The following BNC2 variants were observed in gnomAD, a reference collection of about 807,000 sequenced individuals.
BNC2 encodes the protein zinc finger protein basonuclin-2.
Under a neutral mutation model 76.3 loss-of-function variants are expected in BNC2, and 20 were observed. That is an observed-to-expected ratio of 0.26 (90% CI 0.18 to 0.38). The LOEUF (loss-of-function observed/expected upper bound fraction) is 0.38, where lower values mean the gene tolerates loss of function less well. BNC2 is among the 10% of genes least tolerant of loss of function. The pLI is 1.00. For synonymous variants in BNC2, 582 were observed against 514.8 expected, an observed-to-expected ratio of 1.13 and a Z score of -1.77; for missense variants, 1,382 against 1,399.8, an observed-to-expected ratio of 0.99 and a Z score of 0.20.
At chr9:16,826,166 A>T (rs964148260) in intron 1 of BNC2, among the ~76,000 whole-genome samples, 4 of 151,818 alleles carry the variant, frequency 2.6e-5, no homozygotes, top group Non-Finnish European at 2.9e-5. Flanking sequence ...AAAGCTAGTC[A>T]CTGGTGACAA....
At chr9:16,685,968 A>G (rs2134352760) in intron 3 of BNC2, among the ~76,000 whole-genome samples, 1 of 152,324 alleles carries the variant, frequency 6.6e-6, no homozygotes, top group South Asian at 2.1e-4. Context: ...GGAAAAGACT[A>G]AAATAGATAA....
At chr9:16,564,979 TA>T (rs1315682527) in intron 4 of BNC2, among the ~76,000 whole-genome samples, 1 of 152,186 alleles carries the variant, frequency 6.6e-6, no homozygotes, top group Non-Finnish European at 1.5e-5. Context: ...TCGTCATCCT[TA>T]ATCACTTTAA....
intron 3 of BNC2, among the ~76,000 whole-genome samples, chr9:16,624,257 G>A (rs1820934829): frequency 6.6e-6 from 1 of 152,062 alleles, no homozygotes; most frequent in Non-Finnish European, 1.5e-5. Flanking sequence ...ATACCACAGG[G>A]CTATGAAAAC....
At chr9:16,727,714 A>T (rs1824381642) in intron 3 of BNC2, 83 bp downstream of exon 3, 1 of 1,223,308 alleles carries the variant, frequency 8.2e-7, no homozygotes, top group Non-Finnish European at 1.2e-6. Flanking sequence ...TTAGAAAGAA[A>T]AACACCAGAA....
At chr9:16,616,821 A>AGGC (rs1820717130) in intron 3 of BNC2, among the ~76,000 whole-genome samples, 1 of 146,768 alleles carries the variant, frequency 6.8e-6, no homozygotes, top group Non-Finnish European at 1.5e-5. Context: ...GGAAGGAAGA[A>AGGC]AGGAAGGAAG....
chr9:16,618,585 T>A (rs145138622), intron 3 of BNC2, among the ~76,000 whole-genome samples: 57 of 152,254 alleles, frequency 3.7e-4, no homozygotes, highest in African/African-American at 9.4e-4. Context: ...GTACTTAATA[T>A]ACCCTAGGAT....
At chr9:16,726,908 T>C (rs541623416) in intron 3 of BNC2, 4 of 152,430 alleles carry the variant, frequency 2.6e-5, no homozygotes, top group African/African-American at 9.6e-5. Context: ...GAGCCAGCAA[T>C]TGTGCAAGAG....
chr9:16,452,200 C>G (rs902553750), intron 5 of BNC2, among the ~76,000 whole-genome samples: 4 of 152,166 alleles, frequency 2.6e-5, no homozygotes, highest in African/African-American at 9.7e-5. Context: ...TTTTCCCCTG[C>G]AAGTACCAGT....
chr9:16,510,048 T>C (rs1028125002), intron 5 of BNC2, among the ~76,000 whole-genome samples: 11 of 152,216 alleles, frequency 7.2e-5, no homozygotes, highest in African/African-American at 2.4e-4. Context: ...GTATCTCAGA[T>C]GTTGGAGAAA....
intron 3 of BNC2, among the ~76,000 whole-genome samples, chr9:16,692,680 A>G (rs1467771478): frequency 6.6e-6 from 1 of 152,186 alleles, no homozygotes; most frequent in African/African-American, 2.4e-5. Flanking sequence ...AAGGAATATT[A>G]TAAGCAACTG....
chr9:16,563,594 A>C (rs1321534906), intron 4 of BNC2, among the ~76,000 whole-genome samples: 1 of 152,216 alleles, frequency 6.6e-6, no homozygotes, highest in Admixed American at 6.5e-5. Flanking sequence ...AAACCAATCA[A>C]GTGCTGTGTA....
At chr9:16,793,570 G>A (rs1403269842) in intron 1 of BNC2, among the ~76,000 whole-genome samples, 1 of 151,406 alleles carries the variant, frequency 6.6e-6, no homozygotes, top group African/African-American at 2.4e-5. Flanking sequence ...CCAAGTGGCT[G>A]GGATTACAGG....
chr9:16,776,106 A>G (rs975011847), intron 1 of BNC2, among the ~76,000 whole-genome samples: 1 of 152,172 alleles, frequency 6.6e-6, no homozygotes, highest in East Asian at 1.9e-4. Flanking sequence ...CCTCAAGTTT[A>G]TAACTATGGC....
At chr9:16,765,855 C>T (rs932333651) in intron 1 of BNC2, among the ~76,000 whole-genome samples, 3 of 151,062 alleles carry the variant, frequency 2.0e-5, no homozygotes, top group Non-Finnish European at 2.9e-5. Context: ...GGCACGATCT[C>T]GGCTCACTGC....
chr9:16,567,990 AT>A (rs897185446), intron 4 of BNC2, among the ~76,000 whole-genome samples: 2 of 152,182 alleles, frequency 1.3e-5, no homozygotes, highest in Non-Finnish European at 2.9e-5. Context: ...ATATTTCAAA[AT>A]TTTTAATGCT....
chr9:16,784,567 G>A (rs1336225175), intron 1 of BNC2, among the ~76,000 whole-genome samples: 1 of 152,138 alleles, frequency 6.6e-6, no homozygotes, highest in Non-Finnish European at 1.5e-5. Flanking sequence ...ACTCAAGGAG[G>A]GATACTGAGC....
chr9:16,557,229 T>C (rs1226841986), intron 4 of BNC2, among the ~76,000 whole-genome samples: 1 of 152,184 alleles, frequency 6.6e-6, no homozygotes, highest in African/African-American at 2.4e-5. Flanking sequence ...CCAGGCACCG[T>C]GGCTCACACC....
intron 1 of BNC2, among the ~76,000 whole-genome samples, chr9:16,836,335 T>G (rs973571721): frequency 1.3e-5 from 2 of 152,126 alleles, no homozygotes; most frequent in African/African-American, 4.8e-5. Flanking sequence ...TAATCAATTA[T>G]TACTATAGCT....
At chr9:16,422,533 C>T (rs754223526) in intron 6 of BNC2, among the ~76,000 whole-genome samples, 7 of 152,158 alleles carry the variant, frequency 4.6e-5, no homozygotes, top group Non-Finnish European at 8.8e-5. Flanking sequence ...GATTCTTTTA[C>T]GTTCAATTCC....
Sources: gnomAD v4.1 joint callset for allele counts (sites outside exome capture counted in the v4.1 genomes callset) on GRCh38, gnomAD v4.1.1 for gene constraint, MANE v1.5 for transcripts, NCBI Gene and HGNC (gene_info 2026-07-23, HGNC 2026-07-21) for gene names.